ERAP2: variants seen among roughly 807,000 people sequenced by gnomAD.
ERAP2 encodes the protein leukocyte-derived arginine aminopeptidase.
Under a neutral mutation model 111.1 loss-of-function variants are expected in ERAP2, and 118 were observed. The ratio of observed to expected loss-of-function variants is 1.06; its 90% CI spans 0.92 to 1.24. The LOEUF (loss-of-function observed/expected upper bound fraction) is 1.24. Ranked by LOEUF, ERAP2 falls within the 50% of genes most tolerant of loss-of-function variation. The pLI is 0.00. For synonymous variants in ERAP2, 410 were observed against 401.2 expected (o/e 1.02, Z -0.26); for missense variants, 1,131 against 1,125.8 (o/e 1.00, Z -0.07).
At chr5:96,906,920 T>C (rs1020006142) in intron 13 of ERAP2, among the ~76,000 whole-genome samples, 5 of 152,074 alleles carry the variant, frequency 3.3e-5, no homozygotes, top group Non-Finnish European at 7.4e-5. Flanking sequence ...CCCAGCTACT[T>C]GGGAGGCTGA....
chr5:96,902,595 CAG>C (rs1785594629), intron 12 of ERAP2: 3 of 383,954 alleles, frequency 7.8e-6, no homozygotes, highest in Non-Finnish European at 1.4e-5. Context: ...CAAGAAATAA[CAG>C]AAATCTATCT....
At chr5:96,886,572 C>G (rs887541479) in intron 3 of ERAP2, 83 bp from the exon 4 acceptor site, 2 of 1,258,442 alleles carry the variant, frequency 1.6e-6, no homozygotes, top group Non-Finnish European at 2.1e-6. Context: ...AGGCTTGCCT[C>G]TAACTCACCT....
At chr5:96,912,188 C>CAAAA (rs1266993157) in intron 15 of ERAP2, among the ~76,000 whole-genome samples, 3 of 84,200 alleles carry the variant, frequency 3.6e-5, no homozygotes, top group African/African-American at 4.7e-5. Context: ...GACTCCACCT[C>CAAAA]AAAAAAAAAA....
At chr5:96,913,559 C>T in intron 17 of ERAP2, 102 bp downstream of exon 17, 2 of 1,318,096 alleles carry the variant, frequency 1.5e-6, no homozygotes, top group Non-Finnish European at 2.1e-6. Context: ...TAAATAATAC[C>T]ATTTGTATCC....
rs553483477 is a variant in ERAP2, at chr5:96,917,532, C to T, written c.2810C>T (p.Thr937Met). The T allele has an allele frequency of 4.3e-6, 7 of 1,613,792 alleles. No individual in the cohort carries two copies. The Admixed American group carries it at 5.0e-5, about 12-fold the overall frequency. The change falls in exon 19 of 19, where the codon ACG (threonine) becomes ATG (methionine). Residue 937 changes from threonine to methionine, a missense_variant. Physicochemically the swap from Thr to Met is moderately conservative, Grantham distance 81. Coordinates refer to ENST00000437043, the MANE Select transcript of ERAP2 (RefSeq NM_022350.5). ...HLDIFQTVLE[T>M]ITKNIKWLEK... ...GATATTTTTCAAACTGTTCTGGAAA[C>T]GATAACCAAAAATATAAAATGGCTG...
At chr5:96,884,074 CTATCT>C (rs1783471900) in intron 3 of ERAP2, 144 bp downstream of exon 3, 2 of 571,930 alleles carry the variant, frequency 3.5e-6, no homozygotes, top group Admixed American at 4.2e-5. Context: ...ATCTATCTAT[CTATCT>C]ATCATCATAA....
intron 4 of ERAP2, among the ~76,000 whole-genome samples, chr5:96,887,334 T>A (rs1317440309): frequency 2.7e-5 from 4 of 147,534 alleles, no homozygotes; most frequent in Non-Finnish European, 4.5e-5. Flanking sequence ...AGAGTCTCAC[T>A]CTGTTGGCCA....
At chr5:96,884,064 ATC>A (rs1279505335) in intron 3 of ERAP2, 134 bp downstream of exon 3, 4 of 631,994 alleles carry the variant, frequency 6.3e-6, no homozygotes, top group Non-Finnish European at 1.0e-5. Flanking sequence ...CTATCTATCT[ATC>A]TATCTATCTA....
At chr5:96,884,036 A>T in intron 3 of ERAP2, 106 bp downstream of exon 3, 1 of 104,076 alleles carries the variant, frequency 9.6e-6, no homozygotes, top group Non-Finnish European at 1.8e-5. Flanking sequence ...ATTTGTTTTT[A>T]TCTATCTATC....
intron 2 of ERAP2, 54 bp downstream of exon 2, chr5:96,880,314 T>G: frequency 6.8e-7 from 1 of 1,470,522 alleles, no homozygotes; most frequent in Non-Finnish European, 9.2e-7. Context: ...CCTTACGAGT[T>G]ACATCTCTTT....
Position 96,915,618 on chromosome 5 carries a change from T to G in ERAP2, c.2658-70T>G, listed in dbSNP as rs961674345. On this transcript the variant is annotated intron_variant, in intron 17 of 18. Transcript: ENST00000437043. ...TAGTTATTAATATACATTAAAAATA[T>G]AATACATGATATAATAAACATAAGG... is the stretch of plus-strand genomic sequence containing the variant. 6.0e-6 allele frequency: 5 copies of G among 831,894 alleles called. No individual in the cohort carries two copies. In the African/African-American group the frequency reaches 8.9e-5, roughly 15 times the overall value. The allele number at this position is 831,894 out of a possible 1,614,324, so 51.5% of individuals were successfully genotyped here. A position where few individuals can be genotyped will look rare whatever the true frequency, so the allele number is the denominator to read the frequency against.
chr5:96,888,613 A>G (rs572347614), intron 4 of ERAP2, among the ~76,000 whole-genome samples: 8 of 152,346 alleles, frequency 5.3e-5, no homozygotes, highest in African/African-American at 1.9e-4. Flanking sequence ...TGGGTCATGA[A>G]ATAAAAGTAG....
chr5:96,891,565 T>TATATGGTACACACAC (rs1267918703), intron 5 of ERAP2, among the ~76,000 whole-genome samples: 2 of 141,964 alleles, frequency 1.4e-5, no homozygotes, highest in Non-Finnish European at 3.1e-5. Context: ...CACACACACA[T>TATATGGTACACACAC]ATATGGTACA....
chr5:96,916,526 C>T (rs1374991610), intron 18 of ERAP2, among the ~76,000 whole-genome samples: 1 of 134,906 alleles, frequency 7.4e-6, no homozygotes, highest in African/African-American at 2.8e-5. Context: ...CAGTGGCTTG[C>T]GATCTCGGCT....
At chr5:96,902,794 T>C (rs1785613580) in intron 12 of ERAP2, 1 of 157,166 alleles carries the variant, frequency 6.4e-6, no homozygotes, top group Non-Finnish European at 1.4e-5. Context: ...TTTCATCTTA[T>C]GTTGAATAAA....
intron 5 of ERAP2, 73 bp downstream of exon 5, chr5:96,889,378 T>G: frequency 6.6e-7 from 1 of 1,523,090 alleles, no homozygotes; most frequent in Non-Finnish European, 9.1e-7. Context: ...CCTCTTTCTC[T>G]TTCTATGTGA....
intron 2 of ERAP2, among the ~76,000 whole-genome samples, chr5:96,881,662 C>A (rs1462900913): frequency 6.6e-6 from 1 of 152,184 alleles, no homozygotes; most frequent in Non-Finnish European, 1.5e-5. Flanking sequence ...AGGACCCAGG[C>A]TCCTTCTGTC....
chr5:96,900,833 T>C (rs1430792932), intron 10 of ERAP2, among the ~76,000 whole-genome samples: 1 of 152,096 alleles, frequency 6.6e-6, no homozygotes. Flanking sequence ...CACACCACCA[T>C]GCCCGGCTAA....
At chr5:96,887,380 A>G (rs1463602144) in intron 4 of ERAP2, among the ~76,000 whole-genome samples, 4 of 149,938 alleles carry the variant, frequency 2.7e-5, no homozygotes, top group African/African-American at 9.9e-5. Flanking sequence ...GGCTCACTGC[A>G]ATCTCCGCCT....
Sources: allele counts gnomAD v4.1 joint callset (sites outside exome capture counted in the v4.1 genomes callset), GRCh38; gene constraint gnomAD v4.1.1; transcripts MANE v1.5; gene names NCBI Gene and HGNC (gene_info 2026-07-23, HGNC 2026-07-21).